The following FGF9 variants were observed in gnomAD, a reference collection of about 807,000 sequenced individuals.
FGF9 encodes the protein fibroblast growth factor 9.
A neutral mutation model predicts 19.9 loss-of-function variants in FGF9; 3 were observed. That is an observed-to-expected ratio of 0.15 (90% CI 0.07 to 0.39). The LOEUF (loss-of-function observed/expected upper bound fraction) is 0.39. Ranked by LOEUF, FGF9 falls within the 10% of genes least tolerant of loss-of-function variation. The pLI, the probability that FGF9 is intolerant of heterozygous loss-of-function variation, is 1.00. For missense variants in FGF9, 175 were observed against 256.8 expected, an observed-to-expected ratio of 0.68 and a Z score of 2.18; for synonymous variants, 107 against 106.9, an observed-to-expected ratio of 1.00 and a Z score of -0.01.
At chr13:21,675,021 T>TG (rs1270489104) in intron 1 of FGF9, among the ~76,000 whole-genome samples, 94 of 4,818 alleles carry the variant, frequency 0.02, 1 homozygote, top group East Asian at 0.081. Flanking sequence ...ATGTGGGGGC[T>TG]GGGGGGGATG....
Position 21,691,596 on chromosome 13 carries a change from C to A in FGF9, c.382-9594C>A, listed in dbSNP as rs115988187. On this transcript the variant is annotated intron_variant, in intron 2 of 2. Coordinates refer to ENST00000382353, the MANE Select transcript of FGF9 (RefSeq NM_002010.3). This position sits in a 1 kb window ranked among gnomAD's most constrained non-coding sequence, Gnocchi z 4.2. The stretch of plus-strand genomic sequence containing the variant: ...CATGTGGAGAGTCCTCCCCTGTCAG[C>A]ATCAGCAGCCCCTCCGGGGCTGTCG... 3.5e-3 allele frequency among the ~76,000 whole-genome samples: 536 copies of A among 152,348 alleles called. 1 individual carries two copies. The highest frequency in any genetic ancestry group is 0.012 in the African/African-American group (513 of 41,566).
intron 2 of FGF9, among the ~76,000 whole-genome samples, chr13:21,687,777 A>G (rs1593095765): frequency 6.6e-6 from 1 of 152,200 alleles, no homozygotes; most frequent in African/African-American, 2.4e-5. Flanking sequence ...TGGTGAAAGT[A>G]TTGTAGCACT....
intron 2 of FGF9, among the ~76,000 whole-genome samples, chr13:21,692,371 T>C (rs1872312764): frequency 6.6e-6 from 1 of 152,150 alleles, no homozygotes; most frequent in South Asian, 2.1e-4. Context: ...TCTTTTTCCT[T>C]TTCTCTCTTT....
intron 2 of FGF9, among the ~76,000 whole-genome samples, chr13:21,697,040 G>A (rs963683768): frequency 6.6e-6 from 1 of 152,192 alleles, no homozygotes; most frequent in Non-Finnish European, 1.5e-5. Context: ...TGTCATGTTT[G>A]CACAATCTCA....
Position 21,672,241 on chromosome 13 carries a change from T to C in FGF9, c.277+52T>C, listed in dbSNP as rs767381786. The C allele has an allele frequency of 1.1e-5, 17 of 1,606,582 alleles. No homozygotes were observed. Among genetic ancestry groups the C allele is most frequent in the Non-Finnish European group, 1.3e-5 (15 of 1,173,700 alleles). ...TCCATGAGATGACATGTTGAAATTA[T>C]AACTACCAAGAAGGTGGTGGCCGGG... On this transcript the variant is annotated intron_variant, in intron 1 of 2. Transcript: ENST00000382353. The surrounding 1 kb of genome is among the most constrained non-coding windows in gnomAD (Gnocchi z 4.2).
Position 21,691,022 on chromosome 13 carries a change from T to C in FGF9, c.381+9877T>C, listed in dbSNP as rs933470512. Among the ~76,000 whole-genome samples, 13 of 152,274 alleles carry C rather than the reference T, an allele frequency of 8.5e-5. No homozygotes were observed. Among genetic ancestry groups the C allele is most frequent in the African/African-American group, 3.1e-4 (13 of 41,560 alleles). ...CAACAGAAACACACATAAAACAAGG[T>C]TACGTATCTGTTGGCTGACAAAAAT... On this transcript the variant is annotated intron_variant, in intron 2 of 2. Transcript: ENST00000382353. This position sits in a 1 kb window ranked among gnomAD's most constrained non-coding sequence, Gnocchi z 4.2.
In FGF9 at chr13:21,692,721, C is replaced by T. The variant is rs995313345; in HGVS notation, c.382-8469C>T. On this transcript the variant is annotated intron_variant, in intron 2 of 2. Transcript: ENST00000382353. Reference sequence around the variant, plus strand: ...GGGTGACAGAAATGCTGTACTCACACGAGAGACGCACTGACACTGTGTTTC... The same window carrying T: ...GGGTGACAGAAATGCTGTACTCACATGAGAGACGCACTGACACTGTGTTTC... Among the ~76,000 whole-genome samples the T allele has an allele frequency of 2.6e-5, 4 of 152,274 alleles. No individual in the cohort carries two copies. The East Asian group carries it at 5.8e-4, about 22-fold the overall frequency.
chr13:21,694,151 T>C (rs1451793296), intron 2 of FGF9, among the ~76,000 whole-genome samples: 4 of 152,194 alleles, frequency 2.6e-5, no homozygotes, highest in Non-Finnish European at 5.9e-5. Context: ...GGAATGTTAA[T>C]CGACTCACCC....
Position 21,701,291 on chromosome 13 carries a change from A to G in FGF9, c.483A>G (p.Arg161=). 1 of 1,614,152 alleles carries G rather than the reference A, an allele frequency of 6.2e-7. No individual in the cohort carries two copies. Among genetic ancestry groups the G allele is most frequent in the African/African-American group, 1.3e-5 (1 of 75,040 alleles). The part of the protein sequence containing the change: ...NLYKHVDTGR[R]YYVALNKDGT... The stretch of plus-strand genomic sequence containing the variant: ...ATAAGCACGTGGACACTGGAAGGCG[A>G]TACTATGTTGCATTAAATAAAGATG... The change falls in exon 3 of 3, where the codon CGA becomes CGG. Residue 161 remains arginine, a synonymous_variant. Transcript: ENST00000382353.
In FGF9 at chr13:21,701,695, C is replaced by G; in HGVS notation, c.*260C>G. On this transcript the variant is annotated 3_prime_UTR_variant, in exon 3 of 3. Coordinates refer to ENST00000382353, the MANE Select transcript of FGF9 (RefSeq NM_002010.3). Reference sequence around the variant, plus strand: ...AGAGGAGAGAGAGAGAGACTGAGCGCTAGGAGTGTGTGTATGTGTGTGTGT... The same window carrying G: ...AGAGGAGAGAGAGAGAGACTGAGCGGTAGGAGTGTGTGTATGTGTGTGTGT... The G allele has an allele frequency of 2.1e-6, 1 of 481,498 alleles. No individual in the cohort carries two copies. The highest frequency in any genetic ancestry group is 3.7e-6 in the Non-Finnish European group (1 of 266,840). The allele number at this position is 481,498 out of a possible 1,614,324, so 29.8% of individuals were successfully genotyped here. A position where few individuals can be genotyped will look rare whatever the true frequency, so the allele number is the denominator to read the frequency against.
intron 1 of FGF9, among the ~76,000 whole-genome samples, chr13:21,677,087 T>G (rs1315264170): frequency 6.6e-6 from 1 of 152,186 alleles, no homozygotes; most frequent in African/African-American, 2.4e-5. Flanking sequence ...GAGCATATCC[T>G]CATTTGGAAC....
chr13:21,686,345 A>C (rs190670600), intron 2 of FGF9, among the ~76,000 whole-genome samples: 68 of 152,332 alleles, frequency 4.5e-4, no homozygotes, highest in Admixed American at 1.6e-3. Flanking sequence ...ATACTTTAAA[A>C]CATCAAGAAT....
At chr13:21,675,450 G>A in intron 1 of FGF9, among the ~76,000 whole-genome samples, 1 of 152,020 alleles carries the variant, frequency 6.6e-6, no homozygotes. Context: ...GGCGGCGCTA[G>A]GACACCGCGG....
rs371644683 is a variant in FGF9, at chr13:21,678,568, G to A, written c.278-2474G>A. ...GCTGCTGTTATTTTTTTTTCTTGAT[G>A]TTCTGCAGACCAGCCAGTGAAAAGG... On this transcript the variant is annotated intron_variant, in intron 1 of 2. Transcript: ENST00000382353. Among the ~76,000 whole-genome samples the A allele has an allele frequency of 3.1e-4, 47 of 151,710 alleles. No individual in the cohort carries two copies. In the East Asian group the frequency reaches 8.3e-3, roughly 27 times the overall value.
At chr13:21,678,286 T>C (rs993086354) in intron 1 of FGF9, among the ~76,000 whole-genome samples, 2 of 152,124 alleles carry the variant, frequency 1.3e-5, no homozygotes, top group Non-Finnish European at 2.9e-5. Flanking sequence ...TATATGAAAA[T>C]GGTACAGAAA....
intron 1 of FGF9, among the ~76,000 whole-genome samples, chr13:21,676,011 A>T (rs937335490): frequency 2.6e-5 from 4 of 151,838 alleles, no homozygotes; most frequent in Non-Finnish European, 5.9e-5. Flanking sequence ...ATCTCTGTGC[A>T]GTAGGCTGGG....
intron 1 of FGF9, among the ~76,000 whole-genome samples, chr13:21,676,982 G>A (rs1035739924): frequency 2.0e-5 from 3 of 152,196 alleles, no homozygotes; most frequent in African/African-American, 7.2e-5. Context: ...GGAAGGTCCG[G>A]TGTGGTGATT....
chr13:21,692,640 T>G (rs905434996), intron 2 of FGF9, among the ~76,000 whole-genome samples: 2 of 152,208 alleles, frequency 1.3e-5, no homozygotes, highest in Non-Finnish European at 2.9e-5. Flanking sequence ...AAGTGGCCCA[T>G]GTAGTGCTTG....
rs960027435 is a variant in FGF9 at position 21,671,637 on chromosome 13, C to A, written c.-276C>A. Reference sequence around the variant, plus strand: ...TGCCTGCTAAGAGCTGGGGATCTATCTATAGAGATACATAGATATGTTTAT... The same window carrying A: ...TGCCTGCTAAGAGCTGGGGATCTATATATAGAGATACATAGATATGTTTAT... On this transcript the variant is annotated 5_prime_UTR_variant, in exon 1 of 3. Coordinates refer to ENST00000382353, the MANE Select transcript of FGF9 (RefSeq NM_002010.3). 5 of 597,494 alleles carry A rather than the reference C, an allele frequency of 8.4e-6. No individual in the cohort carries two copies. The highest frequency in any genetic ancestry group is 5.6e-5 in the African/African-American group (3 of 53,782). The allele number at this position is 597,494 out of a possible 1,614,324, so 37.0% of individuals were successfully genotyped here.
Sources: gnomAD v4.1 joint callset for allele counts (sites outside exome capture counted in the v4.1 genomes callset) on GRCh38, gnomAD v4.1.1 for gene constraint, Gnocchi (gnomAD v3.1) non-coding constraint, MANE v1.5 for transcripts, NCBI Gene and HGNC (gene_info 2026-07-23, HGNC 2026-07-21) for gene names.